The following LIPC variants were observed in gnomAD, a reference collection of about 807,000 sequenced individuals.
LIPC encodes the protein hepatic triacylglycerol lipase.
A neutral mutation model predicts 50.7 loss-of-function variants in LIPC; 44 were observed. The observed-to-expected ratio is 0.87, with a 90% CI of 0.68 to 1.11. LIPC has a LOEUF of 1.11. LIPC is among the 50% of genes most tolerant of loss of function. The probability of loss-of-function intolerance (pLI) is 0.00; values close to 1 mark genes in which losing one functional copy is unlikely to be tolerated. For synonymous variants in LIPC, 271 were observed against 256.4 expected, an observed-to-expected ratio of 1.06 and a Z score of -0.54; for missense variants, 697 against 648.2, an observed-to-expected ratio of 1.08 and a Z score of -0.82.
intron 1 of LIPC, among the ~76,000 whole-genome samples, chr15:58,448,658 C>T (rs1893789469): frequency 6.6e-6 from 1 of 152,206 alleles, no homozygotes; most frequent in Non-Finnish European, 1.5e-5. Flanking sequence ...TAGGAGCTTC[C>T]CTGGAAGATT....
intron 1 of LIPC, among the ~76,000 whole-genome samples, chr15:58,481,537 G>A (rs191336484): frequency 6.2e-4 from 94 of 152,330 alleles, no homozygotes; most frequent in South Asian, 1.5e-3. Context: ...AGGCACGACA[G>A]CTCACACCTG....
At chr15:58,481,276 T>G (rs1211567912) in intron 1 of LIPC, among the ~76,000 whole-genome samples, 1 of 152,202 alleles carries the variant, frequency 6.6e-6, no homozygotes, top group Non-Finnish European at 1.5e-5. Flanking sequence ...AAAGTTTAAA[T>G]GCACATACAA....
rs528029675 is a variant in LIPC at position 58,552,697 on chromosome 15, T to C, written c.1051+4125T>C. ...TCGGGCAGTCGGTCTGTTTTTGGCT[T>C]CTCTCAGCTACTTCTTTGGAAGGTT... On this transcript the variant is annotated intron_variant, in intron 6 of 8. Transcript: ENST00000299022. 2.0e-5 allele frequency among the ~76,000 whole-genome samples: 3 copies of C among 152,292 alleles called. 1 individual carries two copies. The South Asian group carries it at 6.2e-4, about 32-fold the overall frequency.
chr15:58,451,261 G>A (rs1401896842), intron 1 of LIPC, among the ~76,000 whole-genome samples: 2 of 152,186 alleles, frequency 1.3e-5, no homozygotes, highest in African/African-American at 4.8e-5. Flanking sequence ...TACGAAAAAG[G>A]CAGGTAAGTA....
intron 7 of LIPC, 27 bp downstream of exon 7, chr15:58,561,008 G>A (rs1168091489): frequency 4.5e-6 from 4 of 889,166 alleles, no homozygotes; most frequent in Non-Finnish European, 3.5e-6. Context: ...GCCCCCTAGG[G>A]TGATGACACA....
At chr15:58,513,933 T>C (rs1292258000) in intron 1 of LIPC, among the ~76,000 whole-genome samples, 1 of 152,190 alleles carries the variant, frequency 6.6e-6, no homozygotes, top group Non-Finnish European at 1.5e-5. Context: ...CTTTGCCAAG[T>C]TCACCCAGCC....
chr15:58,467,059 T>C (rs1476210840), intron 1 of LIPC, among the ~76,000 whole-genome samples: 1 of 152,240 alleles, frequency 6.6e-6, no homozygotes, highest in Non-Finnish European at 1.5e-5. Context: ...TTATTCCTAA[T>C]AAACTTTGGC....
At chr15:58,533,172 G>A (rs1231281379) in intron 1 of LIPC, 4 of 985,312 alleles carry the variant, frequency 4.1e-6, no homozygotes, top group Non-Finnish European at 4.8e-6. Flanking sequence ...CATGAGAAAA[G>A]CTCCAGTTTC....
chr15:58,446,871 G>A (rs570628546), intron 1 of LIPC, among the ~76,000 whole-genome samples: 7 of 152,254 alleles, frequency 4.6e-5, no homozygotes, highest in African/African-American at 1.7e-4. Context: ...TTTTGGCCAG[G>A]CGAGGTGGCT....
intron 1 of LIPC, among the ~76,000 whole-genome samples, chr15:58,457,038 A>G (rs1158001192): frequency 6.6e-6 from 1 of 152,230 alleles, no homozygotes; most frequent in Non-Finnish European, 1.5e-5. Context: ...GTCAGCATGC[A>G]GGTATCATCA....
At chr15:58,496,510 G>A (rs1443716393) in intron 1 of LIPC, among the ~76,000 whole-genome samples, 1 of 152,078 alleles carries the variant, frequency 6.6e-6, no homozygotes, top group East Asian at 1.9e-4. Context: ...GGAAGGGAAA[G>A]AATGACAGAA....
intron 8 of LIPC, chr15:58,565,442 G>A (rs1051770055): frequency 1.5e-5 from 22 of 1,424,474 alleles, no homozygotes; most frequent in Non-Finnish European, 1.6e-5. Context: ...AAGAAGAAAT[G>A]AGGAGAGGGA....
chr15:58,436,832 T>C (rs1349320548), intron 1 of LIPC: 1 of 456,128 alleles, frequency 2.2e-6, no homozygotes, highest in Non-Finnish European at 4.4e-6. Flanking sequence ...AGAATGAGGC[T>C]TTCCTTGTAC....
chr15:58,516,133 G>T (rs1417245217), intron 1 of LIPC, among the ~76,000 whole-genome samples: 14 of 151,998 alleles, frequency 9.2e-5, no homozygotes, highest in Admixed American at 6.6e-4. Context: ...GAACCTTAAA[G>T]GTGCTGCCCC....
chr15:58,542,624 G>A lies in LIPC; in HGVS notation c.547G>A (p.Gly183Arg), dbSNP rs1764465292. 2 of 1,613,200 alleles carry A rather than the reference G, an allele frequency of 1.2e-6. No homozygotes were observed. Among genetic ancestry groups the A allele is most frequent in the South Asian group, 1.1e-5 (1 of 91,056 alleles). ...VSGFAGSSIG[G>R]THKIGRITGL... The stretch of plus-strand genomic sequence containing the variant: ...AGGATTTGCCGGCAGTTCCATCGGT[G>A]GAACGCACAAGATTGGGAGAATCAC... Residue 183 changes from glycine (G) to arginine (R), a missense_variant, in exon 4 of 9, where the codon GGA (glycine) becomes AGA (arginine). By Grantham distance (125) the Gly-to-Arg change is moderately radical. Transcript: ENST00000299022.
intron 1 of LIPC, among the ~76,000 whole-genome samples, chr15:58,485,487 C>T (rs1333927910): frequency 6.6e-6 from 1 of 152,128 alleles, no homozygotes; most frequent in Non-Finnish European, 1.5e-5. Context: ...GGCTCTCAGG[C>T]TGCTTCAGGG....
intron 1 of LIPC, chr15:58,495,017 C>CT: frequency 2.6e-6 from 1 of 390,278 alleles, no homozygotes; most frequent in Non-Finnish European, 5.1e-6. Context: ...CCCCTGCCCC[C>CT]TTACCCTGCC....
intron 4 of LIPC, among the ~76,000 whole-genome samples, chr15:58,544,329 G>A (rs985417262): frequency 9.2e-4 from 140 of 151,640 alleles, no homozygotes; most frequent in Middle Eastern, 3.4e-3. Context: ...CCCTCTTGCC[G>A]TCTTGTCATC....
At chr15:58,487,381 C>A (rs1209813381) in intron 1 of LIPC, among the ~76,000 whole-genome samples, 1 of 152,164 alleles carries the variant, frequency 6.6e-6, no homozygotes, top group Non-Finnish European at 1.5e-5. Flanking sequence ...CTGCTTGGTA[C>A]AAAGTAAGCG....
Sources: gnomAD v4.1 joint callset for allele counts (sites outside exome capture counted in the v4.1 genomes callset) on GRCh38, gnomAD v4.1.1 for gene constraint, MANE v1.5 for transcripts, NCBI Gene and HGNC (gene_info 2026-07-23, HGNC 2026-07-21) for gene names.